The following ARHGEF26 variants were observed in gnomAD, a reference collection of about 807,000 sequenced individuals.
The protein encoded by ARHGEF26 is Rho guanine nucleotide exchange factor 26, also known as Rho guanine nucleotide exchange factor (GEF) 26.
A neutral mutation model predicts 89.4 loss-of-function variants in ARHGEF26; 59 were observed. The ratio of observed to expected loss-of-function variants is 0.66; its 90% CI spans 0.54 to 0.82. The LOEUF is 0.82. Among genes scored for constraint, ARHGEF26 ranks in the 40% least tolerant of loss-of-function variants. ARHGEF26 has a pLI of 0.00. For synonymous variants in ARHGEF26, 500 were observed against 428.4 expected (o/e 1.17, Z -2.06); for missense variants, 1,234 against 1,085.6 (o/e 1.14, Z -1.92).
intron 6 of ARHGEF26, among the ~76,000 whole-genome samples, chr3:154,175,757 A>G (rs16823760): frequency 0.024 from 3,601 of 152,146 alleles, 111 homozygotes; most frequent in East Asian, 0.12. Flanking sequence ...TTGGCACTGT[A>G]TGTTTTGTTT....
intron 4 of ARHGEF26, among the ~76,000 whole-genome samples, chr3:154,133,106 G>A (rs1008131572): frequency 6.6e-6 from 1 of 152,180 alleles, no homozygotes; most frequent in African/African-American, 2.4e-5. Flanking sequence ...ACTATAAGAA[G>A]CATTCAGTAT....
chr3:154,250,338 T>G (rs1718058378), intron 12 of ARHGEF26, among the ~76,000 whole-genome samples: 1 of 151,852 alleles, frequency 6.6e-6, no homozygotes, highest in African/African-American at 2.4e-5. Context: ...CTTGGCAGAC[T>G]CTTGAAAGCC....
intron 12 of ARHGEF26, 42 bp downstream of exon 12, chr3:154,240,621 C>G (rs1179749343): frequency 7.3e-6 from 11 of 1,506,738 alleles, no homozygotes; most frequent in African/African-American, 2.8e-5. Flanking sequence ...CTGATAGTAT[C>G]TCCCTGACCT....
intron 9 of ARHGEF26, among the ~76,000 whole-genome samples, chr3:154,212,519 G>T (rs1559902618): frequency 6.7e-6 from 1 of 150,216 alleles, no homozygotes; most frequent in Non-Finnish European, 1.5e-5. Context: ...TGACTGTAAA[G>T]GAACACTTAA....
intron 11 of ARHGEF26, among the ~76,000 whole-genome samples, chr3:154,239,314 G>A (rs1206978793): frequency 7.3e-6 from 1 of 137,642 alleles, no homozygotes; most frequent in African/African-American, 2.8e-5. Context: ...GTGTGTGTGT[G>A]TGTGTGTGTG....
chr3:154,194,245 A>G (rs1714146317), intron 8 of ARHGEF26, among the ~76,000 whole-genome samples: 1 of 152,230 alleles, frequency 6.6e-6, no homozygotes, highest in South Asian at 2.1e-4. Context: ...GCCAGGCACT[A>G]ATAAAGAACT....
chr3:154,192,704 A>T (rs921065408), intron 8 of ARHGEF26, among the ~76,000 whole-genome samples: 1 of 152,244 alleles, frequency 6.6e-6, no homozygotes, highest in African/African-American at 2.4e-5. Context: ...CATATAAGGA[A>T]GTATTATTTC....
At chr3:154,239,050 C>T (rs1281330019) in intron 11 of ARHGEF26, among the ~76,000 whole-genome samples, 1 of 152,004 alleles carries the variant, frequency 6.6e-6, no homozygotes, top group East Asian at 1.9e-4. Context: ...GTATGTTTGA[C>T]ACTGGGATTA....
chr3:154,124,372 CTTT>C (rs10688646), intron 2 of ARHGEF26, 35 bp from the exon 3 acceptor site: 2,014 of 1,003,784 alleles, frequency 2.0e-3, no homozygotes, highest in Non-Finnish European at 2.3e-3. Flanking sequence ...TTTGCTTTTC[CTTT>C]TTTTTTTTTT....
chr3:154,162,889 C>T (rs1166547362), intron 6 of ARHGEF26, among the ~76,000 whole-genome samples: 1 of 152,126 alleles, frequency 6.6e-6, no homozygotes, highest in Non-Finnish European at 1.5e-5. Flanking sequence ...GATAATCATA[C>T]AAATGCACTA....
chr3:154,254,082 A>AT (rs1430908682), intron 13 of ARHGEF26, among the ~76,000 whole-genome samples: 1 of 151,904 alleles, frequency 6.6e-6, no homozygotes, highest in Non-Finnish European at 1.5e-5. Flanking sequence ...TGCCCAGCTA[A>AT]TTTTTTGTAT....
At chr3:154,162,961 C>T (rs1460755397) in intron 6 of ARHGEF26, among the ~76,000 whole-genome samples, 4 of 152,062 alleles carry the variant, frequency 2.6e-5, no homozygotes, top group East Asian at 3.9e-4. Flanking sequence ...GTTTTTGAAC[C>T]GCATGATGGT....
chr3:154,152,322 G>A (rs1252088163), intron 5 of ARHGEF26, among the ~76,000 whole-genome samples: 2 of 152,178 alleles, frequency 1.3e-5, no homozygotes, highest in Non-Finnish European at 2.9e-5. Flanking sequence ...GGGAAGGGAA[G>A]GAAGGTGTGA....
chr3:154,249,014 G>C (rs898708319), intron 12 of ARHGEF26, among the ~76,000 whole-genome samples: 1 of 152,120 alleles, frequency 6.6e-6, no homozygotes, highest in African/African-American at 2.4e-5. Context: ...AAGGACTTTA[G>C]AGAAATCAAA....
At chr3:154,149,766 G>A (rs1719908021) in intron 5 of ARHGEF26, among the ~76,000 whole-genome samples, 1 of 152,000 alleles carries the variant, frequency 6.6e-6, no homozygotes, top group African/African-American at 2.4e-5. Flanking sequence ...GATGTTTATG[G>A]AAAAACTGAT....
rs756251696 is a variant in ARHGEF26, at chr3:154,152,873, T to G, written c.1428T>G (p.Thr476=). The G allele has an allele frequency of 1.7e-5, 27 of 1,597,686 alleles. No individual in the cohort carries two copies. The Admixed American group carries it at 4.0e-4, about 24-fold the overall frequency. ...KNSKELSDTM[T]KTERHHLFSN... ...CTAAAGAACTGAGTGATACAATGACTAAAACCGAGAGGCACCATCTTTTCT... is the reference window on the plus strand; with the variant it reads ...CTAAAGAACTGAGTGATACAATGACGAAAACCGAGAGGCACCATCTTTTCT... The change falls in exon 6 of 15, where the codon ACT becomes ACG. Residue 476 remains threonine (T), a synonymous_variant. Coordinates refer to ENST00000465093, the MANE Select transcript of ARHGEF26 (RefSeq NM_015595.4).
chr3:154,210,720 T>C (rs1017603817), intron 9 of ARHGEF26, among the ~76,000 whole-genome samples: 1 of 150,324 alleles, frequency 6.7e-6, no homozygotes, highest in Non-Finnish European at 1.5e-5. Flanking sequence ...GGCAGGCGGA[T>C]CACCTGAGGT....
At chr3:154,232,988 C>T (rs866857248) in intron 11 of ARHGEF26, among the ~76,000 whole-genome samples, 17 of 151,984 alleles carry the variant, frequency 1.1e-4, no homozygotes, top group Middle Eastern at 3.4e-3. Context: ...CCACCACGCC[C>T]GGCTAATTTT....
intron 10 of ARHGEF26, among the ~76,000 whole-genome samples, chr3:154,224,968 A>G (rs1272704813): frequency 6.6e-5 from 10 of 151,886 alleles, no homozygotes; most frequent in Non-Finnish European, 1.2e-4. Flanking sequence ...ACATTTCTGC[A>G]TTATGTTTTG....
Sources: gnomAD v4.1 joint callset for allele counts (sites outside exome capture counted in the v4.1 genomes callset) on GRCh38, gnomAD v4.1.1 for gene constraint, MANE v1.5 for transcripts, NCBI Gene and HGNC (gene_info 2026-07-23, HGNC 2026-07-21) for gene names.